ADARB2: variants seen among roughly 807,000 people sequenced by gnomAD.
ADARB2 encodes the protein adenosine deaminase RNA specific B2 (inactive), also known as inactive double-stranded RNA-specific editase B2.
A neutral mutation model predicts 62.2 loss-of-function variants in ADARB2; 25 were observed. That is an observed-to-expected ratio of 0.40 (90% confidence interval 0.29 to 0.56). The LOEUF (loss-of-function observed/expected upper bound fraction) is 0.56. ADARB2 is among the 20% of genes least tolerant of loss of function. ADARB2 has a pLI of 0.43. For synonymous variants in ADARB2, 572 were observed against 500.8 expected (o/e 1.14, Z -1.90); for missense variants, 1,071 against 1,077.4 (o/e 0.99, Z 0.08).
At chr10:1,596,377 C>T (rs372385149) in intron 1 of ADARB2, among the ~76,000 whole-genome samples, 1 of 152,158 alleles carries the variant, frequency 6.6e-6, no homozygotes, top group South Asian at 2.1e-4. Context: ...AAGAGGGATC[C>T]TTTTGGCCTC....
chr10:1,447,768 C>T (rs1185091450), intron 1 of ADARB2, among the ~76,000 whole-genome samples: 3 of 152,098 alleles, frequency 2.0e-5, no homozygotes, highest in Non-Finnish European at 2.9e-5. Flanking sequence ...TCTATTGTTT[C>T]CTTTTTCATG....
At chr10:1,635,790 T>G (rs1277744006) in intron 1 of ADARB2, among the ~76,000 whole-genome samples, 1 of 152,226 alleles carries the variant, frequency 6.6e-6, no homozygotes. Flanking sequence ...TTTCGTTCCT[T>G]GCAATAGGCT....
intron 1 of ADARB2, among the ~76,000 whole-genome samples, chr10:1,725,525 G>A (rs1017015114): frequency 1.1e-4 from 16 of 151,766 alleles, no homozygotes; most frequent in African/African-American, 3.6e-4. Context: ...CCCCCTCCCC[G>A]CGCCGGGAAG....
In ADARB2 at chr10:1,589,390, A is replaced by C. The variant is rs1435650625; in HGVS notation, c.100+147661T>G. Among the ~76,000 whole-genome samples the C allele has an allele frequency of 3.3e-5, 5 of 150,082 alleles. No homozygotes were observed. The East Asian group carries it at 7.9e-4, about 24-fold the overall frequency. Reference sequence around the variant, plus strand: ...GTCCACTGTTGGGGCATCCATGGTCAAGGCATCCACGGAGGGGCGTCTGCG... The same window carrying C: ...GTCCACTGTTGGGGCATCCATGGTCCAGGCATCCACGGAGGGGCGTCTGCG... On this transcript the variant is annotated intron_variant, in intron 1 of 9. Transcript: ENST00000381312.
chr10:1,319,029 G>A (rs777117069), intron 3 of ADARB2, among the ~76,000 whole-genome samples: 1 of 152,188 alleles, frequency 6.6e-6, no homozygotes, highest in Non-Finnish European at 1.5e-5. Flanking sequence ...AAGATTCAAG[G>A]AGCTCAGAGT....
At chr10:1,289,849 G>A (rs931930288) in intron 3 of ADARB2, among the ~76,000 whole-genome samples, 3 of 152,362 alleles carry the variant, frequency 2.0e-5, no homozygotes, top group East Asian at 1.9e-4. Flanking sequence ...GCAGGTAGGC[G>A]TTCGCCAAAC....
chr10:1,550,744 T>C (rs933801889), intron 1 of ADARB2, among the ~76,000 whole-genome samples: 1 of 151,922 alleles, frequency 6.6e-6, no homozygotes, highest in Non-Finnish European at 1.5e-5. Context: ...ACCTCTGTTG[T>C]ACAGACAAGA....
chr10:1,737,287 C>T lies in ADARB2; in HGVS notation c.-137G>A. ...GAGCGGCTCACTTTTCAGGACTGAG[C>T]AGGAAAGCGCGCTCCGTCTCTCTGT... On this transcript the variant is annotated 5_prime_UTR_variant, in exon 1 of 10. Coordinates refer to ENST00000381312, the MANE Select transcript of ADARB2 (RefSeq NM_018702.4). 3.9e-6 allele frequency: 3 copies of T among 760,448 alleles called. No individual in the cohort carries two copies. The South Asian group carries it at 5.2e-5, about 13-fold the overall frequency. The allele number at this position is 760,448 out of a possible 1,614,324, so 47.1% of individuals were successfully genotyped here.
rs528422855 is a variant in ADARB2 at position 1,298,190 on chromosome 10, C to T, written c.1078-27121G>A. ...CGAAACGGACAGAGATCTGTCATTC[C>T]GGGAGACTAAAATGTAGGGAGTAGA... is the stretch of plus-strand genomic sequence containing the variant. On this transcript the variant is annotated intron_variant, in intron 3 of 9. Coordinates refer to ENST00000381312, the MANE Select transcript of ADARB2 (RefSeq NM_018702.4). Among the ~76,000 whole-genome samples the T allele has an allele frequency of 6.6e-5, 10 of 152,082 alleles. No homozygotes were observed. The East Asian group carries it at 1.4e-3, about 21-fold the overall frequency.
At position 1,391,663 on chromosome 10, in the gene ADARB2, A is replaced by G. The variant is rs116236311; in HGVS notation, c.101-12503T>C. On this transcript the variant is annotated intron_variant, in intron 1 of 9. Transcript: ENST00000381312. ...AAAACATCTTTTGGTGCGTGATGTT[A>G]TGTCAGTTATCTGGAAACTTATTCA... Among the ~76,000 whole-genome samples the G allele has an allele frequency of 7.1e-3, 1,081 of 151,946 alleles. 15 individuals are homozygous for G. Among genetic ancestry groups the G allele is most frequent in the African/African-American group, 0.024 (1,009 of 41,426 alleles).
chr10:1,537,612 G>A (rs188422605), intron 1 of ADARB2, among the ~76,000 whole-genome samples: 1 of 152,194 alleles, frequency 6.6e-6, no homozygotes, highest in African/African-American at 2.4e-5. Flanking sequence ...CATATATACA[G>A]CATGGAATAC....
chr10:1,498,650 T>C (rs1225144063), intron 1 of ADARB2, among the ~76,000 whole-genome samples: 1 of 152,222 alleles, frequency 6.6e-6, no homozygotes, highest in Non-Finnish European at 1.5e-5. Flanking sequence ...ATAATAAACA[T>C]GACACATGCA....
intron 1 of ADARB2, among the ~76,000 whole-genome samples, chr10:1,643,772 T>A (rs1005140118): frequency 1.3e-5 from 2 of 152,118 alleles, no homozygotes; most frequent in Non-Finnish European, 2.9e-5. Context: ...TACAGAGGCA[T>A]TGGGGCTAAT....
chr10:1,557,549 C>T (rs1564329669), intron 1 of ADARB2, among the ~76,000 whole-genome samples: 1 of 152,160 alleles, frequency 6.6e-6, no homozygotes, highest in Non-Finnish European at 1.5e-5. Context: ...CTCAACAAAG[C>T]CTCCAACAGT....
chr10:1,558,383 T>C (rs539217003), intron 1 of ADARB2, among the ~76,000 whole-genome samples: 1 of 137,562 alleles, frequency 7.3e-6, no homozygotes, highest in Non-Finnish European at 1.5e-5. Context: ...ATGCTCCATC[T>C]AAACTCGAAT....
At chr10:1,360,500 G>A in intron 3 of ADARB2, among the ~76,000 whole-genome samples, 1 of 152,240 alleles carries the variant, frequency 6.6e-6, no homozygotes, top group East Asian at 1.9e-4. Context: ...GCAGGGCAAG[G>A]AGGAAAAGCC....
intron 6 of ADARB2, among the ~76,000 whole-genome samples, chr10:1,221,539 G>C (rs1481113781): frequency 5.9e-5 from 9 of 151,704 alleles, no homozygotes; most frequent in Admixed American, 3.3e-4. Flanking sequence ...TTAGCATTAG[G>C]TATATCTCCT....
At chr10:1,322,795 C>A (rs1354645785) in intron 3 of ADARB2, among the ~76,000 whole-genome samples, 1 of 152,124 alleles carries the variant, frequency 6.6e-6, no homozygotes, top group Non-Finnish European at 1.5e-5. Context: ...ACCCAAGTTA[C>A]TTAAGGAAAA....
chr10:1,693,502 T>G (rs1297694080), intron 1 of ADARB2, among the ~76,000 whole-genome samples: 1 of 152,234 alleles, frequency 6.6e-6, no homozygotes, highest in Non-Finnish European at 1.5e-5. Flanking sequence ...AGATACAAAA[T>G]AAATTATTTT....
Sources: gnomAD v4.1 joint callset for allele counts (sites outside exome capture counted in the v4.1 genomes callset) on GRCh38, gnomAD v4.1.1 for gene constraint, MANE v1.5 for transcripts, NCBI Gene and HGNC (gene_info 2026-07-23, HGNC 2026-07-21) for gene names.